LINC00305: variants seen among roughly 807,000 people sequenced by gnomAD.
LINC00305 encodes the protein long independently transcribed non-coding RNA 305.
intron 1 of LINC00305, among the ~76,000 whole-genome samples, chr18:64,134,964 T>C (rs1407685957): frequency 6.6e-6 from 1 of 152,218 alleles, no homozygotes; most frequent in Non-Finnish European, 1.5e-5. Flanking sequence ...GCTGCTGTAA[T>C]AAAGTACCAC....
intron 1 of LINC00305, among the ~76,000 whole-genome samples, chr18:64,113,374 G>A (rs894157896): frequency 2.6e-5 from 4 of 152,224 alleles, no homozygotes; most frequent in Admixed American, 1.3e-4. Context: ...CCCAAGAAGA[G>A]TAGTTGCATA....
At chr18:64,080,782 CAT>C (rs2051181971) in intron 3 of LINC00305, among the ~76,000 whole-genome samples, 1 of 152,086 alleles carries the variant, frequency 6.6e-6, no homozygotes, top group Non-Finnish European at 1.5e-5. Flanking sequence ...CATATTTACA[CAT>C]ATGCAAAACA....
intron 1 of LINC00305, among the ~76,000 whole-genome samples, chr18:64,137,215 A>G (rs2051439025): frequency 6.6e-6 from 1 of 152,186 alleles, no homozygotes; most frequent in African/African-American, 2.4e-5. Context: ...AGGGGACAGC[A>G]AGCACTGCTG....
chr18:64,113,995 C>G (rs915696349), intron 1 of LINC00305, among the ~76,000 whole-genome samples: 24 of 152,222 alleles, frequency 1.6e-4, no homozygotes, highest in Non-Finnish European at 2.6e-4. Context: ...AATGGCTGGG[C>G]GCGTTGGCTC....
At chr18:64,095,725 C>G (rs1012553970) in intron 3 of LINC00305, among the ~76,000 whole-genome samples, 1 of 152,046 alleles carries the variant, frequency 6.6e-6, no homozygotes, top group Admixed American at 6.5e-5. Context: ...AGAAAAGAAA[C>G]AGATCAGAGA....
chr18:64,092,472 G>T (rs1055040464), intron 3 of LINC00305, among the ~76,000 whole-genome samples: 6 of 152,134 alleles, frequency 3.9e-5, no homozygotes, highest in Non-Finnish European at 8.8e-5. Context: ...TGAGGCCGGA[G>T]AATCGCTTGA....
intron 3 of LINC00305, among the ~76,000 whole-genome samples, chr18:64,093,397 C>T (rs373894731): frequency 2.2e-4 from 34 of 152,038 alleles, no homozygotes; most frequent in Admixed American, 5.2e-4. Context: ...TACAGTGGTG[C>T]GATCTTGGCT....
At chr18:64,139,876 T>G (rs772320664) in intron 1 of LINC00305, among the ~76,000 whole-genome samples, 3 of 152,138 alleles carry the variant, frequency 2.0e-5, no homozygotes, top group Non-Finnish European at 4.4e-5. Context: ...AATCTTCCAA[T>G]AGCAACCCGT....
At chr18:64,091,988 T>A (rs2051226461) in intron 3 of LINC00305, among the ~76,000 whole-genome samples, 4 of 152,190 alleles carry the variant, frequency 2.6e-5, no homozygotes, top group Non-Finnish European at 5.9e-5. Context: ...ACAAAACCAC[T>A]CCTATGCACT....
intron 1 of LINC00305, among the ~76,000 whole-genome samples, chr18:64,116,395 A>G (rs1014307092): frequency 6.6e-6 from 1 of 152,240 alleles, no homozygotes. Context: ...TTAAGAACAT[A>G]TTAATTGCAT....
intron 3 of LINC00305, among the ~76,000 whole-genome samples, chr18:64,096,013 A>T (rs552121541): frequency 3.3e-4 from 50 of 152,188 alleles, no homozygotes; most frequent in Middle Eastern, 3.4e-3. Context: ...ATTCTCACAG[A>T]GTTCTGTAAT....
At position 64,132,003 on chromosome 18, in the gene LINC00305, T is replaced by A. The variant is rs115354755; in HGVS notation, n.314+16772A>T. Among the ~76,000 whole-genome samples the A allele has an allele frequency of 1.2e-3, 184 of 152,368 alleles. 1 individual carries two copies. Among genetic ancestry groups the A allele is most frequent in the African/African-American group, 4.3e-3 (178 of 41,594 alleles). On this transcript the variant is annotated intron_variant and non_coding_transcript_variant, in intron 1 of 3. Transcript: ENST00000666468. ...GTCCCCTGGATTCAAGGGTGTTCTT[T>A]ATTTTTCCATTATTGATGTAGTTGC...
intron 1 of LINC00305, among the ~76,000 whole-genome samples, chr18:64,138,924 G>A (rs2051447930): frequency 6.6e-6 from 1 of 152,158 alleles, no homozygotes; most frequent in South Asian, 2.1e-4. Context: ...GAATCAAAGA[G>A]TATGTGCGGG....
At chr18:64,094,634 G>A (rs2051237756) in intron 3 of LINC00305, among the ~76,000 whole-genome samples, 1 of 151,980 alleles carries the variant, frequency 6.6e-6, no homozygotes, top group African/African-American at 2.4e-5. Flanking sequence ...AGGCTGAGGG[G>A]GGCAGATCAC....
chr18:64,108,854 C>T (rs541533022), intron 1 of LINC00305, among the ~76,000 whole-genome samples: 7 of 152,026 alleles, frequency 4.6e-5, no homozygotes, highest in African/African-American at 9.7e-5. Context: ...GCAAAGACTG[C>T]GAAGTATTTA....
intron 1 of LINC00305, among the ~76,000 whole-genome samples, chr18:64,121,570 CA>C (rs1458212433): frequency 6.6e-6 from 1 of 152,098 alleles, no homozygotes; most frequent in Non-Finnish European, 1.5e-5. Flanking sequence ...ATATATGCCA[CA>C]TTTTCTTTAT....
rs2051256942 is a variant in LINC00305, at chr18:64,098,757, A to C, written n.315-117T>G. 3 of 317,768 alleles carry C rather than the reference A, an allele frequency of 9.4e-6. No homozygotes were observed. The Admixed American group carries it at 1.2e-4, about 13-fold the overall frequency. 19.7% of individuals were successfully genotyped at this position (317,768 alleles called of 1,614,324 possible). A position where few individuals can be genotyped will look rare whatever the true frequency, so the allele number is the denominator to read the frequency against. Reference sequence around the variant, plus strand: ...CATTCTTCTGTGTGAATCAGTGCTCATCTAAAGCCTGGACCTGAACAGCCT... The same window carrying C: ...CATTCTTCTGTGTGAATCAGTGCTCCTCTAAAGCCTGGACCTGAACAGCCT... On this transcript the variant is annotated intron_variant and non_coding_transcript_variant, in intron 1 of 3. Transcript: ENST00000666468.
chr18:64,124,978 T>C (rs2051378568), intron 1 of LINC00305, among the ~76,000 whole-genome samples: 1 of 152,108 alleles, frequency 6.6e-6, no homozygotes, highest in South Asian at 2.1e-4. Context: ...GAACCTATGG[T>C]ATATATTCAT....
chr18:64,100,663 A>G (rs1379232687), intron 1 of LINC00305, among the ~76,000 whole-genome samples: 2 of 152,190 alleles, frequency 1.3e-5, no homozygotes, highest in African/African-American at 4.8e-5. Context: ...TTTCTCTGGC[A>G]AATTGCCTCC....
Sources: gnomAD v4.1 joint callset for allele counts (sites outside exome capture counted in the v4.1 genomes callset) on GRCh38, gnomAD v4.1.1 for gene constraint, MANE v1.5 for transcripts, NCBI Gene and HGNC (gene_info 2026-07-23, HGNC 2026-07-21) for gene names.